Variants in ADGRL2 observed in about 807,000 individuals in gnomAD.
ADGRL2 encodes the protein adhesion G protein-coupled receptor L2.
In ADGRL2, 44 loss-of-function variants were observed where a neutral mutation model predicts 157.4. The ratio of observed to expected loss-of-function variants is 0.28; its 90% CI spans 0.22 to 0.36. The LOEUF is 0.36. Among genes scored for constraint, ADGRL2 ranks in the 10% least tolerant of loss-of-function variants. The pLI, the probability that ADGRL2 is intolerant of heterozygous loss-of-function variation, is 1.00. For synonymous variants in ADGRL2, 585 were observed against 624.7 expected, an observed-to-expected ratio of 0.94 and a Z score of 0.95; for missense variants, 1,510 against 1,768.9, an observed-to-expected ratio of 0.85 and a Z score of 2.63.
chr1:81,321,833 G>GAAA (rs35262833), intron 1 of ADGRL2, among the ~76,000 whole-genome samples: 1 of 144,646 alleles, frequency 6.9e-6, no homozygotes, highest in Admixed American at 7.0e-5. Flanking sequence ...ACATGCTGTT[G>GAAA]AAAAAAAAAA....
chr1:81,650,507 T>G (rs1254690824), intron 3 of ADGRL2, among the ~76,000 whole-genome samples: 2 of 143,094 alleles, frequency 1.4e-5, no homozygotes, highest in Non-Finnish European at 3.0e-5. Context: ...ACCCAGGAGG[T>G]GGAGGTTGCA....
At chr1:81,811,663 A>G (rs2089884477) in intron 1 of ADGRL2, among the ~76,000 whole-genome samples, 2 of 151,788 alleles carry the variant, frequency 1.3e-5, no homozygotes, top group Admixed American at 6.6e-5. Context: ...TGCAACCCAG[A>G]TCAGTTTTTT....
At chr1:81,629,083 A>G (rs576838440) in intron 3 of ADGRL2, among the ~76,000 whole-genome samples, 1 of 152,318 alleles carries the variant, frequency 6.6e-6, no homozygotes, top group African/African-American at 2.4e-5. Flanking sequence ...AAGAGTGACC[A>G]TTAACTCCTA....
At chr1:81,628,325 T>G (rs2081949573) in intron 3 of ADGRL2, among the ~76,000 whole-genome samples, 1 of 152,132 alleles carries the variant, frequency 6.6e-6, no homozygotes. Context: ...GAGCTATCAT[T>G]TGGGTGTGTA....
chr1:81,747,701 T>TTGTGTGTGTGTG (rs10556401), intron 1 of ADGRL2, among the ~76,000 whole-genome samples: 299 of 147,354 alleles, frequency 2.0e-3, no homozygotes, highest in Non-Finnish European at 3.4e-3. Flanking sequence ...CCTTTAATGT[T>TTGTGTGTGTGTG]TGTGTGTGTG....
chr1:81,775,750 A>G (rs936151553), intron 2 of ADGRL2, among the ~76,000 whole-genome samples: 2 of 152,208 alleles, frequency 1.3e-5, no homozygotes, highest in African/African-American at 4.8e-5. Flanking sequence ...CAAGCAAATA[A>G]GCATGACATT....
At chr1:81,906,635 A>G (rs184245058) in intron 2 of ADGRL2, among the ~76,000 whole-genome samples, 31 of 152,336 alleles carry the variant, frequency 2.0e-4, no homozygotes, top group Non-Finnish European at 3.4e-4. Context: ...TGGGTGTAGC[A>G]GAGCCTTCAT....
intron 2 of ADGRL2, among the ~76,000 whole-genome samples, chr1:81,893,881 C>G (rs2094324195): frequency 6.6e-6 from 1 of 152,124 alleles, no homozygotes; most frequent in African/African-American, 2.4e-5. Flanking sequence ...AAAACCTTAT[C>G]ATTTCATTAA....
chr1:81,623,720 TCTGC>T (rs904386392), intron 3 of ADGRL2, among the ~76,000 whole-genome samples: 6 of 142,654 alleles, frequency 4.2e-5, no homozygotes, highest in African/African-American at 1.6e-4. Flanking sequence ...CACTGCAACC[TCTGC>T]CTCCCAGGTT....
At chr1:81,837,447 CTAAGT>C (rs1245184647) in intron 2 of ADGRL2, among the ~76,000 whole-genome samples, 1 of 151,768 alleles carries the variant, frequency 6.6e-6, no homozygotes, top group Non-Finnish European at 1.5e-5. Flanking sequence ...TCTAAAACTC[CTAAGT>C]TAAAATATGT....
At chr1:81,854,515 T>G (rs760189481) in intron 2 of ADGRL2, among the ~76,000 whole-genome samples, 1 of 152,174 alleles carries the variant, frequency 6.6e-6, no homozygotes, top group Admixed American at 6.6e-5. Flanking sequence ...ATTATAAAAT[T>G]GGGAAAATGC....
At chr1:81,928,148 A>G (rs918199354) in intron 3 of ADGRL2, among the ~76,000 whole-genome samples, 4 of 152,090 alleles carry the variant, frequency 2.6e-5, no homozygotes, top group African/African-American at 9.7e-5. Flanking sequence ...AATTTGGACT[A>G]AAAAAGACAG....
At chr1:81,883,607 C>A (rs2094044655) in intron 2 of ADGRL2, among the ~76,000 whole-genome samples, 1 of 152,122 alleles carries the variant, frequency 6.6e-6, no homozygotes, top group Non-Finnish European at 1.5e-5. Flanking sequence ...TACTTTAAAA[C>A]CCAGTAAGCT....
chr1:81,715,633 G>A (rs984326328), intron 1 of ADGRL2, among the ~76,000 whole-genome samples: 2 of 152,082 alleles, frequency 1.3e-5, no homozygotes, highest in Non-Finnish European at 2.9e-5. Flanking sequence ...GCGACATGAC[G>A]TGCCTGGTAC....
chr1:81,345,875 T>C (rs1464216835), intron 1 of ADGRL2, among the ~76,000 whole-genome samples: 1 of 152,244 alleles, frequency 6.6e-6, no homozygotes, highest in Non-Finnish European at 1.5e-5. Flanking sequence ...CATTATGTAT[T>C]ATATTCACTT....
intron 1 of ADGRL2, among the ~76,000 whole-genome samples, chr1:81,820,661 C>G (rs887269282): frequency 2.7e-5 from 4 of 150,648 alleles, no homozygotes; most frequent in Non-Finnish European, 4.4e-5. Context: ...AAATCAGTAG[C>G]AAGCTGACTG....
At chr1:81,317,919 G>A (rs1660224765) in intron 1 of ADGRL2, among the ~76,000 whole-genome samples, 1 of 152,066 alleles carries the variant, frequency 6.6e-6, no homozygotes, top group Non-Finnish European at 1.5e-5. Context: ...TATGCACATA[G>A]TTTCAATAGG....
rs181478295 is a variant in ADGRL2, at chr1:81,628,379, A to G, written c.-143+47399A>G. On this transcript the variant is annotated intron_variant, in intron 3 of 24. Coordinates refer to the ADGRL2 transcript ENST00000370721. ...AAGCAATCACAGTGGATACTTAGTAATATTTTCTTATGGTCCTGTGGCATC... is the reference window on the plus strand; with the variant it reads ...AAGCAATCACAGTGGATACTTAGTAGTATTTTCTTATGGTCCTGTGGCATC... Among the ~76,000 whole-genome samples the G allele has an allele frequency of 2.3e-3, 347 of 152,256 alleles. 5 individuals are homozygous for G. The highest frequency in any genetic ancestry group is 1.4e-3 in the Non-Finnish European group (92 of 68,012).
intron 2 of ADGRL2, among the ~76,000 whole-genome samples, chr1:81,841,360 C>T (rs193275711): frequency 2.0e-5 from 3 of 152,046 alleles, no homozygotes; most frequent in East Asian, 1.9e-4. Context: ...TTTATAATGA[C>T]TTGAGTTAAT....
Sources: allele counts gnomAD v4.1 joint callset (sites outside exome capture counted in the v4.1 genomes callset), GRCh38; gene constraint gnomAD v4.1.1; transcripts MANE v1.5; gene names NCBI Gene and HGNC (gene_info 2026-07-23, HGNC 2026-07-21).